DSCAM: variants seen among roughly 807,000 people sequenced by gnomAD.
DSCAM encodes cell adhesion molecule DSCAM.
Under a neutral mutation model 217.7 loss-of-function variants are expected in DSCAM, and 47 were observed. That is an observed-to-expected ratio of 0.22 (90% CI 0.17 to 0.28). The LOEUF is 0.28. Among genes scored for constraint, DSCAM ranks in the 10% least tolerant of loss-of-function variants. The pLI is 1.00. For synonymous variants in DSCAM, 1,056 were observed against 1,015.3 expected, an observed-to-expected ratio of 1.04 and a Z score of -0.76; for missense variants, 2,080 against 2,618.3, an observed-to-expected ratio of 0.79 and a Z score of 4.49.
At chr21:40,378,965 A>G (rs775967704) in intron 3 of DSCAM, among the ~76,000 whole-genome samples, 40 of 152,330 alleles carry the variant, frequency 2.6e-4, no homozygotes, top group Admixed American at 1.2e-3. Flanking sequence ...GGGTACATCT[A>G]TACTCTGCAG....
intron 3 of DSCAM, among the ~76,000 whole-genome samples, chr21:40,635,379 T>G (rs977659574): frequency 1.1e-4 from 17 of 152,008 alleles, no homozygotes; most frequent in Admixed American, 1.1e-3. Flanking sequence ...AAGAAACACG[T>G]GTCAGTAAAT....
chr21:40,264,878 T>C (rs2073502439), intron 11 of DSCAM, among the ~76,000 whole-genome samples: 1 of 152,198 alleles, frequency 6.6e-6, no homozygotes, highest in South Asian at 2.1e-4. Context: ...CACTGCTATA[T>C]ACCAACAATG....
rs1465420776 is a variant in DSCAM at position 40,036,494 on chromosome 21, TAACAGGATCTGAA to T, written c.5686+5864_5686+5876del. Reference sequence around the variant, plus strand: ...GAAGTTGAATCTCTGAATAGACCAATAACAGGATCTGAAATTGTGGCAATAATCAATAGCTTAC... The same window carrying T: ...GAAGTTGAATCTCTGAATAGACCAATATTGTGGCAATAATCAATAGCTTAC... On this transcript the variant is annotated intron_variant, in intron 32 of 32. Coordinates refer to ENST00000400454, the MANE Select transcript of DSCAM (RefSeq NM_001389.5). 1.1e-4 allele frequency among the ~76,000 whole-genome samples: 15 copies of T among 141,928 alleles called. No individual in the cohort carries two copies. In the East Asian group the frequency reaches 1.8e-3, roughly 17 times the overall value. The allele number at this position is 141,928 out of a possible 152,430, so 93.1% of individuals were successfully genotyped here. A position where few individuals can be genotyped will look rare whatever the true frequency, so the allele number is the denominator to read the frequency against.
chr21:40,172,706 C>T (rs1454819017), intron 15 of DSCAM, among the ~76,000 whole-genome samples: 2 of 152,230 alleles, frequency 1.3e-5, no homozygotes, highest in East Asian at 3.9e-4. Flanking sequence ...CCAGTGAGAA[C>T]CAGTCCCACA....
intron 3 of DSCAM, among the ~76,000 whole-genome samples, chr21:40,505,840 T>C (rs534179920): frequency 6.6e-6 from 1 of 152,328 alleles, no homozygotes; most frequent in South Asian, 2.1e-4. Context: ...CCAGTCCCTC[T>C]GTGTGTGGTG....
chr21:40,701,710 C>A (rs888250707), intron 2 of DSCAM, among the ~76,000 whole-genome samples: 16 of 151,478 alleles, frequency 1.1e-4, no homozygotes, highest in Admixed American at 7.9e-4. Context: ...TAAAAGAGTG[C>A]TATTCAGTAT....
intron 3 of DSCAM, among the ~76,000 whole-genome samples, chr21:40,491,253 T>C (rs747652715): frequency 3.3e-5 from 5 of 152,164 alleles, no homozygotes; most frequent in Non-Finnish European, 5.9e-5. Flanking sequence ...GGGAGGTTAT[T>C]GGTAATTGCT....
At chr21:40,736,431 G>A (rs145532432) in intron 1 of DSCAM, among the ~76,000 whole-genome samples, 23 of 152,322 alleles carry the variant, frequency 1.5e-4, no homozygotes, top group African/African-American at 5.3e-4. Flanking sequence ...GGGCTGTAAC[G>A]AAATATCACA....
At chr21:40,205,048 T>C (rs563697494) in intron 11 of DSCAM, among the ~76,000 whole-genome samples, 1 of 152,352 alleles carries the variant, frequency 6.6e-6, no homozygotes, top group Non-Finnish European at 1.5e-5. Flanking sequence ...GAGCAAGGAA[T>C]TGTTGGCAAA....
chr21:40,110,816 T>C (rs544738709), intron 20 of DSCAM, among the ~76,000 whole-genome samples: 17 of 152,272 alleles, frequency 1.1e-4, no homozygotes, highest in African/African-American at 1.9e-4. Flanking sequence ...AGGGTATCAG[T>C]GATGGAAGAT....
intron 3 of DSCAM, among the ~76,000 whole-genome samples, chr21:40,652,350 A>C (rs57751746): frequency 0.11 from 1,538 of 13,816 alleles, 11 homozygotes; most frequent in Middle Eastern, 0.19. Context: ...ACAACAACAA[A>C]AAAAAAAAAA....
chr21:40,056,360 C>T (rs1568916940), intron 28 of DSCAM, among the ~76,000 whole-genome samples: 2 of 152,132 alleles, frequency 1.3e-5, no homozygotes, highest in Non-Finnish European at 2.9e-5. Context: ...TTGTTAGCTT[C>T]CCTGACGTTA....
At chr21:40,716,423 G>A (rs985237384) in intron 1 of DSCAM, among the ~76,000 whole-genome samples, 2 of 152,038 alleles carry the variant, frequency 1.3e-5, no homozygotes, top group African/African-American at 4.8e-5. Flanking sequence ...AAATAACTGT[G>A]GGTTCAAAAC....
intron 10 of DSCAM, 42 bp downstream of exon 10, chr21:40,296,013 C>G: frequency 6.3e-7 from 1 of 1,597,506 alleles, no homozygotes; most frequent in Non-Finnish European, 8.5e-7. Context: ...TAGAACATAG[C>G]AAATGTTTGA....
chr21:40,290,229 T>C (rs1258643532), intron 10 of DSCAM, among the ~76,000 whole-genome samples: 1 of 152,092 alleles, frequency 6.6e-6, no homozygotes, highest in African/African-American at 2.4e-5. Context: ...ATGGGAAAAA[T>C]ATTTTTTAAA....
chr21:40,374,073 T>C (rs2074926402), intron 3 of DSCAM, among the ~76,000 whole-genome samples: 1 of 150,648 alleles, frequency 6.6e-6, no homozygotes, highest in Non-Finnish European at 1.5e-5. Context: ...AAAAAAGGGA[T>C]AAGTGAGGTG....
In DSCAM at chr21:40,760,752, T is replaced by C. The variant is rs549741746; in HGVS notation, c.44-51981A>G. 2.6e-5 allele frequency among the ~76,000 whole-genome samples: 4 copies of C among 152,344 alleles called. No individual in the cohort carries two copies. In the East Asian group the frequency reaches 7.7e-4, roughly 29 times the overall value. ...GCTGTTTTTCTGGGAAGTTAGATGTTATTCTCATGCCATATCTCTGGCTAC... is the reference window on the plus strand; with the variant it reads ...GCTGTTTTTCTGGGAAGTTAGATGTCATTCTCATGCCATATCTCTGGCTAC... On this transcript the variant is annotated intron_variant, in intron 1 of 32. Transcript: ENST00000400454.
rs375492963 is a variant in DSCAM, at chr21:40,252,436, A to C, written c.2356+23661T>G. 6.4e-4 allele frequency among the ~76,000 whole-genome samples: 97 copies of C among 152,232 alleles called. 1 individual carries two copies. The South Asian group carries it at 0.016, about 25-fold the overall frequency. On this transcript the variant is annotated intron_variant, in intron 11 of 32. Coordinates refer to ENST00000400454, the MANE Select transcript of DSCAM (RefSeq NM_001389.5). Reference sequence around the variant, plus strand: ...ACATGAATTTTATCTTTGACAAATGAGATTTTGTTGTTTTCCTCCTTTGTT... The same window carrying C: ...ACATGAATTTTATCTTTGACAAATGCGATTTTGTTGTTTTCCTCCTTTGTT...
chr21:40,103,304 CATAG>C (rs572884162), intron 20 of DSCAM, among the ~76,000 whole-genome samples: 140 of 151,854 alleles, frequency 9.2e-4, no homozygotes, highest in African/African-American at 3.3e-3. Context: ...GCTGTGATTT[CATAG>C]ATAGAATGTC....
Sources: gnomAD v4.1 joint callset for allele counts (sites outside exome capture counted in the v4.1 genomes callset) on GRCh38, gnomAD v4.1.1 for gene constraint, MANE v1.5 for transcripts, NCBI Gene and HGNC (gene_info 2026-07-23, HGNC 2026-07-21) for gene names.